The following FGF9 variants were observed in gnomAD, a reference collection of about 807,000 sequenced individuals.
FGF9 encodes fibroblast growth factor 9, also known as fibroblast growth factor 9 (glia-activating factor).
FGF9 carries 3 observed loss-of-function variants against 19.9 expected under a neutral mutation model. That is an observed-to-expected ratio of 0.15 (90% CI 0.07 to 0.39). The LOEUF is 0.39. Among genes scored for constraint, FGF9 ranks in the 10% least tolerant of loss-of-function variants. The pLI, the probability that FGF9 is intolerant of heterozygous loss-of-function variation, is 1.00. For missense variants in FGF9, 175 were observed against 256.8 expected (o/e 0.68, Z 2.18); for synonymous variants, 107 against 106.9 (o/e 1.00, Z -0.01).
At position 21,672,557 on chromosome 13, in the gene FGF9, GAACTT is replaced by G. The variant is rs1174228591; in HGVS notation, c.277+371_277+375del. On this transcript the variant is annotated intron_variant, in intron 1 of 2. Coordinates refer to ENST00000382353, the MANE Select transcript of FGF9 (RefSeq NM_002010.3). The surrounding 1 kb of genome is among the most constrained non-coding windows in gnomAD (Gnocchi z 4.2). ...TAAAGCTTTAATCATTAACTACTAA[GAACTT>G]AATGCAGTTTCTTGAAGGCAGTGGG... Among the ~76,000 whole-genome samples the G allele has an allele frequency of 6.6e-6, 1 of 152,226 alleles. No individual in the cohort carries two copies. Among genetic ancestry groups the G allele is most frequent in the Non-Finnish European group, 1.5e-5 (1 of 68,038 alleles).
chr13:21,674,513 G>C (rs954061675), intron 1 of FGF9, among the ~76,000 whole-genome samples: 1 of 151,886 alleles, frequency 6.6e-6, no homozygotes, highest in Non-Finnish European at 1.5e-5. Context: ...CGGGGTGTGC[G>C]CGGGAGCGCG....
intron 1 of FGF9, among the ~76,000 whole-genome samples, chr13:21,674,601 G>C (rs1312363248): frequency 6.6e-6 from 1 of 151,974 alleles, no homozygotes; most frequent in Non-Finnish European, 1.5e-5. Context: ...GCCTGTCTTT[G>C]AGAGACCCTA....
In FGF9 at chr13:21,701,575, G is replaced by A; in HGVS notation, c.*140G>A. The A allele has an allele frequency of 1.7e-6, 2 of 1,190,532 alleles. No homozygotes were observed. The highest frequency in any genetic ancestry group is 2.6e-5 in the South Asian group (2 of 77,014). The allele number at this position is 1,190,532 out of a possible 1,614,324, so 73.7% of individuals were successfully genotyped here. ...TGTCGCATGCATAATGTATGATGGAGGCTTGGATGGGAATATGCTGATTTT... is the reference window on the plus strand; with the variant it reads ...TGTCGCATGCATAATGTATGATGGAAGCTTGGATGGGAATATGCTGATTTT... On this transcript the variant is annotated 3_prime_UTR_variant, in exon 3 of 3. Transcript: ENST00000382353.
rs1872162815 is a variant in FGF9 at position 21,686,546 on chromosome 13, A to T, written c.381+5401A>T. Among the ~76,000 whole-genome samples the T allele has an allele frequency of 1.3e-5, 2 of 152,242 alleles. 1 individual carries two copies. On this transcript the variant is annotated intron_variant, in intron 2 of 2. Transcript: ENST00000382353. Reference sequence around the variant, plus strand: ...AAAGTGACACTGGAGGATGGCGCAGAGATGGGGGAGGTGCTAACATTTCTC... The same window carrying T: ...AAAGTGACACTGGAGGATGGCGCAGTGATGGGGGAGGTGCTAACATTTCTC...
chr13:21,683,694 A>T (rs1361575340), intron 2 of FGF9, among the ~76,000 whole-genome samples: 1 of 152,190 alleles, frequency 6.6e-6, no homozygotes, highest in Non-Finnish European at 1.5e-5. Flanking sequence ...CAGGCTTGGA[A>T]ACTGCTCCAA....
intron 2 of FGF9, among the ~76,000 whole-genome samples, chr13:21,684,850 G>A (rs1243658884): frequency 6.6e-6 from 1 of 152,214 alleles, no homozygotes; most frequent in Non-Finnish European, 1.5e-5. Context: ...AAATGTTTGT[G>A]CAGTGAGACC....
chr13:21,678,414 C>T (rs1593091553), intron 1 of FGF9, among the ~76,000 whole-genome samples: 1 of 152,118 alleles, frequency 6.6e-6, no homozygotes, highest in East Asian at 1.9e-4. Context: ...ACCTCAATTT[C>T]CCCATTTGTA....
At chr13:21,673,742 G>A (rs1387860204) in intron 1 of FGF9, among the ~76,000 whole-genome samples, 1 of 151,356 alleles carries the variant, frequency 6.6e-6, no homozygotes, top group Non-Finnish European at 1.5e-5. Flanking sequence ...GCGGCCACCC[G>A]CAGGGTGTCG....
intron 2 of FGF9, among the ~76,000 whole-genome samples, chr13:21,690,887 C>T (rs569192319): frequency 1.2e-4 from 19 of 152,276 alleles, no homozygotes; most frequent in Admixed American, 5.9e-4. Context: ...TGTTGCTAAG[C>T]GCAAGAAGGC....
rs545784411 is a variant in FGF9, at chr13:21,672,479, A to G, written c.277+290A>G. On this transcript the variant is annotated intron_variant, in intron 1 of 2. Coordinates refer to ENST00000382353, the MANE Select transcript of FGF9 (RefSeq NM_002010.3). The surrounding 1 kb of genome is among the most constrained non-coding windows in gnomAD (Gnocchi z 4.2). ...TAATACAAGTTTCCAGTTCTTTTGC[A>G]TCAGATACACGGGTTTAGGAAGTTT... 1.4e-4 allele frequency among the ~76,000 whole-genome samples: 21 copies of G among 152,364 alleles called. No homozygotes were observed. Among genetic ancestry groups the G allele is most frequent in the African/African-American group, 4.6e-4 (19 of 41,588 alleles).
rs189449884 is a variant in FGF9 at position 21,688,863 on chromosome 13, T to C, written c.381+7718T>C. Among the ~76,000 whole-genome samples, 367 of 152,246 alleles carry C rather than the reference T, an allele frequency of 2.4e-3. 1 individual carries two copies. The highest frequency in any genetic ancestry group is 8.4e-3 in the African/African-American group (347 of 41,546). ...TGGACAATCGTCTTTTAAAATAATG[T>C]ATCTATTTGATTTTAGTTACAGTGT... is the stretch of plus-strand genomic sequence containing the variant. On this transcript the variant is annotated intron_variant, in intron 2 of 2. Coordinates refer to ENST00000382353, the MANE Select transcript of FGF9 (RefSeq NM_002010.3).
chr13:21,696,085 A>G (rs141034848), intron 2 of FGF9, among the ~76,000 whole-genome samples: 161 of 152,356 alleles, frequency 1.1e-3, no homozygotes, highest in African/African-American at 3.6e-3. Context: ...AATTGAGCAT[A>G]ATGTTGCCCA....
chr13:21,703,982 G>T lies in FGF9; in HGVS notation c.*2547G>T, dbSNP rs778932990. The T allele has an allele frequency of 1.3e-5, 2 of 151,818 alleles. No individual in the cohort carries two copies. The highest frequency in any genetic ancestry group is 2.9e-5 in the Non-Finnish European group (2 of 68,000). The allele number at this position is 151,818 out of a possible 1,614,324, so 9.4% of individuals were successfully genotyped here. ...TAAATAAATAAATATTGACTCATGC[G>T]ATTTATGTAAATAGTGGAACTGGGA... On this transcript the variant is annotated 3_prime_UTR_variant, in exon 3 of 3. Transcript: ENST00000382353.
chr13:21,684,305 T>C (rs1872108275), intron 2 of FGF9, among the ~76,000 whole-genome samples: 1 of 152,198 alleles, frequency 6.6e-6, no homozygotes, highest in Non-Finnish European at 1.5e-5. Context: ...TGTTCCCTAA[T>C]GTATCTAAAG....
At chr13:21,695,968 G>A (rs1872402618) in intron 2 of FGF9, among the ~76,000 whole-genome samples, 1 of 152,162 alleles carries the variant, frequency 6.6e-6, no homozygotes, top group African/African-American at 2.4e-5. Context: ...TGGAAATTAT[G>A]TTTTAAAATA....
intron 2 of FGF9, among the ~76,000 whole-genome samples, chr13:21,699,414 G>A (rs746930213): frequency 6.6e-5 from 10 of 152,122 alleles, no homozygotes; most frequent in Non-Finnish European, 1.2e-4. Context: ...ATAGTATTTT[G>A]CTAAAAACCT....
At position 21,671,578 on chromosome 13, in the gene FGF9, TC is replaced by T; in HGVS notation, c.-333del. The T allele has an allele frequency of 4.0e-6, 2 of 496,006 alleles. No homozygotes were observed. The allele number at this position is 496,006 out of a possible 1,614,324, so 30.7% of individuals were successfully genotyped here. Reference sequence around the variant, plus strand: ...AAATGGAGAAACTACGGATTTTTTTTCCTTATTACGGTCGGATGGGATGAAG... The same window carrying T: ...AAATGGAGAAACTACGGATTTTTTTTCTTATTACGGTCGGATGGGATGAAG... On this transcript the variant is annotated 5_prime_UTR_variant, in exon 1 of 3. The change abolishes the stop of an existing upstream ORF in the 5' untranslated region. Coordinates refer to ENST00000382353, the MANE Select transcript of FGF9 (RefSeq NM_002010.3).
At chr13:21,699,340 A>G (rs1872486687) in intron 2 of FGF9, among the ~76,000 whole-genome samples, 1 of 152,168 alleles carries the variant, frequency 6.6e-6, no homozygotes. Flanking sequence ...TCTTTGCCTG[A>G]TGCATTGTCT....
intron 2 of FGF9, among the ~76,000 whole-genome samples, chr13:21,684,475 C>T (rs889209800): frequency 2.6e-5 from 4 of 152,114 alleles, no homozygotes; most frequent in African/African-American, 9.7e-5. Context: ...CACAGTATCT[C>T]GCTTGTATGG....
Sources: gnomAD v4.1 joint callset for allele counts (sites outside exome capture counted in the v4.1 genomes callset) on GRCh38, gnomAD v4.1.1 for gene constraint, Gnocchi (gnomAD v3.1) non-coding constraint, MANE v1.5 for transcripts, NCBI Gene and HGNC (gene_info 2026-07-23, HGNC 2026-07-21) for gene names.